Variants in ZBTB16 observed in about 807,000 individuals in gnomAD.
The protein encoded by ZBTB16 is zinc finger and BTB domain containing 16, also known as zinc finger and BTB domain-containing protein 16.
A neutral mutation model predicts 56.8 loss-of-function variants in ZBTB16; 8 were observed. The observed-to-expected ratio is 0.14, with a 90% CI of 0.08 to 0.25. The LOEUF is 0.25. Among genes scored for constraint, ZBTB16 ranks in the 10% least tolerant of loss-of-function variants. ZBTB16 has a pLI of 1.00. For synonymous variants in ZBTB16, 363 were observed against 368.5 expected (o/e 0.98, Z 0.17); for missense variants, 625 against 903.0 (o/e 0.69, Z 3.95).
At chr11:114,175,595 G>C (rs981703340) in intron 3 of ZBTB16, among the ~76,000 whole-genome samples, 1 of 151,848 alleles carries the variant, frequency 6.6e-6, no homozygotes, top group African/African-American at 2.4e-5. Flanking sequence ...AGCTGGGAGA[G>C]GACAGGGGAT....
chr11:114,101,646 C>T (rs1940610969), intron 2 of ZBTB16, among the ~76,000 whole-genome samples: 1 of 152,180 alleles, frequency 6.6e-6, no homozygotes, highest in Non-Finnish European at 1.5e-5. Flanking sequence ...ATTCAGTTTT[C>T]TCTCCTGTGA....
chr11:114,248,245 C>T (rs984783930), intron 6 of ZBTB16, among the ~76,000 whole-genome samples: 2 of 152,200 alleles, frequency 1.3e-5, no homozygotes, highest in African/African-American at 4.8e-5. Context: ...ACTGTTTTCC[C>T]TGAGGTCAAA....
At chr11:114,108,647 G>A (rs1940887814) in intron 2 of ZBTB16, among the ~76,000 whole-genome samples, 1 of 152,150 alleles carries the variant, frequency 6.6e-6, no homozygotes, top group Non-Finnish European at 1.5e-5. Flanking sequence ...GTGGCTGCCT[G>A]GGTTGAACAC....
At chr11:114,206,463 G>A (rs987869077) in intron 4 of ZBTB16, among the ~76,000 whole-genome samples, 5 of 152,104 alleles carry the variant, frequency 3.3e-5, no homozygotes, top group African/African-American at 9.7e-5. Context: ...CCCTTTCCTG[G>A]AAATCCCCAG....
At chr11:114,069,367 G>C (rs1939245342) in intron 2 of ZBTB16, among the ~76,000 whole-genome samples, 1 of 151,958 alleles carries the variant, frequency 6.6e-6, no homozygotes, top group Non-Finnish European at 1.5e-5. Context: ...TTACAGGTGT[G>C]AGCCACCACG....
At chr11:114,110,164 G>T (rs1459157830) in intron 2 of ZBTB16, among the ~76,000 whole-genome samples, 3 of 152,134 alleles carry the variant, frequency 2.0e-5, no homozygotes, top group African/African-American at 7.2e-5. Context: ...TCATGGAGAA[G>T]CGAACCCTTT....
At position 114,187,879 on chromosome 11, in the gene ZBTB16, A is replaced by G. The variant is rs146776231; in HGVS notation, c.1453+841A>G. Reference sequence around the variant, plus strand: ...GCATTAGATTCTCATAGGAGCACAAATCCTATTGTGAACTGTGCATGCAAG... The same window carrying G: ...GCATTAGATTCTCATAGGAGCACAAGTCCTATTGTGAACTGTGCATGCAAG... On this transcript the variant is annotated intron_variant, in intron 4 of 6. Coordinates refer to ENST00000335953, the MANE Select transcript of ZBTB16 (RefSeq NM_006006.6). 356 of 153,494 alleles carry G rather than the reference A, an allele frequency of 2.3e-3. 1 individual carries two copies. The highest frequency in any genetic ancestry group is 7.7e-3 in the African/African-American group (320 of 41,510). The allele number at this position is 153,494 out of a possible 1,614,324, so 9.5% of individuals were successfully genotyped here. A position where few individuals can be genotyped will look rare whatever the true frequency, so the allele number is the denominator to read the frequency against.
At chr11:114,187,231 A>G (rs1057155752) in intron 4 of ZBTB16, 193 bp downstream of exon 4, 2 of 683,568 alleles carry the variant, frequency 2.9e-6, no homozygotes, top group Admixed American at 4.1e-5. Context: ...GAAGTTTACA[A>G]GTATGACATG....
rs867645523 is a variant in ZBTB16, at chr11:114,199,357, C to T, written c.1453+12319C>T. Among the ~76,000 whole-genome samples, 63 of 143,126 alleles carry T rather than the reference C, an allele frequency of 4.4e-4. 1 individual carries two copies. The highest frequency in any genetic ancestry group is 6.8e-4 in the African/African-American group (25 of 36,950). 93.9% of individuals were successfully genotyped at this position (143,126 alleles called of 152,430 possible). ...ACATGGATGCCGCTGGGCCCCGGGA[C>T]GGGGCTGCTGGACATGGATGCCGCT... On this transcript the variant is annotated intron_variant, in intron 4 of 6. Coordinates refer to ENST00000335953, the MANE Select transcript of ZBTB16 (RefSeq NM_006006.6).
chr11:114,210,004 T>A (rs1356786264), intron 4 of ZBTB16: 1 of 975,438 alleles, frequency 1.0e-6, no homozygotes, highest in Non-Finnish European at 1.2e-6. Context: ...TGCTTGTCCT[T>A]TCAGAAGCTT....
At chr11:114,200,508 G>C (rs370186037) in intron 4 of ZBTB16, among the ~76,000 whole-genome samples, 13 of 152,238 alleles carry the variant, frequency 8.5e-5, no homozygotes, top group African/African-American at 3.1e-4. Flanking sequence ...ACTAAGGGGG[G>C]CTTCACTGTC....
intron 3 of ZBTB16, among the ~76,000 whole-genome samples, chr11:114,186,055 G>T (rs1943353886): frequency 6.6e-6 from 1 of 152,144 alleles, no homozygotes; most frequent in Non-Finnish European, 1.5e-5. Flanking sequence ...AGGGCCATAG[G>T]CATTTAAAAT....
At chr11:114,249,954 T>G (rs999650067) in intron 6 of ZBTB16, among the ~76,000 whole-genome samples, 4 of 152,018 alleles carry the variant, frequency 2.6e-5, no homozygotes, top group Non-Finnish European at 5.9e-5. Context: ...CTGAGGACTT[T>G]GGGGCCTTTC....
chr11:114,151,356 T>G (rs953685521), intron 2 of ZBTB16, among the ~76,000 whole-genome samples: 2 of 152,170 alleles, frequency 1.3e-5, no homozygotes, highest in Non-Finnish European at 2.9e-5. Context: ...GATGGCTCAG[T>G]TAGGCTGAAA....
At chr11:114,220,984 A>T (rs144063988) in intron 4 of ZBTB16, among the ~76,000 whole-genome samples, 1 of 152,334 alleles carries the variant, frequency 6.6e-6, no homozygotes, top group East Asian at 1.9e-4. Context: ...ACATGCAGGC[A>T]TGTGCAGGTC....
At chr11:114,138,854 C>T (rs1316238874) in intron 2 of ZBTB16, among the ~76,000 whole-genome samples, 1 of 151,974 alleles carries the variant, frequency 6.6e-6, no homozygotes, top group African/African-American at 2.4e-5. Context: ...CCATGCCCAG[C>T]TAATTTTTGT....
intron 2 of ZBTB16, among the ~76,000 whole-genome samples, chr11:114,133,807 G>A (rs546928169): frequency 1.1e-4 from 16 of 152,344 alleles, no homozygotes; most frequent in Non-Finnish European, 2.1e-4. Context: ...GGTCCTCAGA[G>A]ACCTATTACG....
At chr11:114,103,533 G>T (rs1940687305) in intron 2 of ZBTB16, among the ~76,000 whole-genome samples, 1 of 151,926 alleles carries the variant, frequency 6.6e-6, no homozygotes, top group Non-Finnish European at 1.5e-5. Context: ...GTAACAGCCG[G>T]TGGAATCTTT....
Position 114,251,857 on chromosome 11 carries a change from A to G in ZBTB16, c.*1302A>G, listed in dbSNP as rs944438539. ...TCTTTTCTGTGTCCCCTGTTAGCACATTGTACTTGAATTACCTCAGTTTTT... is the reference window on the plus strand; with the variant it reads ...TCTTTTCTGTGTCCCCTGTTAGCACGTTGTACTTGAATTACCTCAGTTTTT... On this transcript the variant is annotated 3_prime_UTR_variant, in exon 7 of 7. Coordinates refer to ENST00000335953, the MANE Select transcript of ZBTB16 (RefSeq NM_006006.6). Among the ~76,000 whole-genome samples, 1 of 152,144 alleles carries G rather than the reference A, an allele frequency of 6.6e-6. No homozygotes were observed. Among genetic ancestry groups the G allele is most frequent in the Non-Finnish European group, 1.5e-5 (1 of 68,020 alleles).
Sources: allele counts gnomAD v4.1 joint callset (sites outside exome capture counted in the v4.1 genomes callset), GRCh38; gene constraint gnomAD v4.1.1; transcripts MANE v1.5; gene names NCBI Gene and HGNC (gene_info 2026-07-23, HGNC 2026-07-21).